Variants in PTPRJ observed in about 807,000 individuals in gnomAD.
The protein encoded by PTPRJ is receptor-type tyrosine-protein phosphatase eta.
A neutral mutation model predicts 141.3 loss-of-function variants in PTPRJ; 129 were observed. That is an observed-to-expected ratio of 0.91 (90% CI 0.79 to 1.06). The LOEUF (loss-of-function observed/expected upper bound fraction) is 1.06. Among genes scored for constraint, PTPRJ ranks in the 50% least tolerant of loss-of-function variants. PTPRJ has a pLI of 0.00. For synonymous variants in PTPRJ, 610 were observed against 640.5 expected (o/e 0.95, Z 0.72); for missense variants, 1,601 against 1,679.7 (o/e 0.95, Z 0.82).
intron 1 of PTPRJ, among the ~76,000 whole-genome samples, chr11:48,109,025 C>A (rs926175703): frequency 6.6e-6 from 1 of 151,946 alleles, no homozygotes; most frequent in African/African-American, 2.4e-5. Context: ...CATGGCTGCT[C>A]GGAGAAGGAC....
At chr11:48,026,957 C>G (rs1019356165) in intron 1 of PTPRJ, among the ~76,000 whole-genome samples, 4 of 149,958 alleles carry the variant, frequency 2.7e-5, no homozygotes, top group African/African-American at 9.8e-5. Context: ...AAATAAGGCT[C>G]CATGACAATG....
intron 1 of PTPRJ, among the ~76,000 whole-genome samples, chr11:48,029,539 A>G (rs1341142591): frequency 6.6e-6 from 1 of 152,250 alleles, no homozygotes; most frequent in Non-Finnish European, 1.5e-5. Context: ...ACAGGACAGT[A>G]ATAAAACTTA....
chr11:48,070,803 A>T (rs1196235986), intron 1 of PTPRJ, among the ~76,000 whole-genome samples: 1 of 152,206 alleles, frequency 6.6e-6, no homozygotes, highest in Admixed American at 6.5e-5. Context: ...TCTGTGTGGA[A>T]AATTTCTTAA....
intron 1 of PTPRJ, among the ~76,000 whole-genome samples, chr11:48,067,823 A>G (rs1855124892): frequency 6.6e-6 from 1 of 152,228 alleles, no homozygotes; most frequent in Admixed American, 6.5e-5. Context: ...AAGCTATGAT[A>G]GGGTGGAAAT....
intron 24 of PTPRJ, 138 bp from the exon 25 acceptor site, chr11:48,167,066 G>A: frequency 1.4e-6 from 1 of 714,320 alleles, no homozygotes; most frequent in Non-Finnish European, 2.4e-6. Context: ...CTTGAAACAT[G>A]TTCGCTTGAA....
intron 1 of PTPRJ, among the ~76,000 whole-genome samples, chr11:48,092,539 C>T (rs2134300912): frequency 6.6e-6 from 1 of 151,918 alleles, no homozygotes; most frequent in South Asian, 2.1e-4. Context: ...AAGATATTCT[C>T]TTGCTTCAGC....
At chr11:48,110,428 A>G (rs1351474833) in intron 2 of PTPRJ, among the ~76,000 whole-genome samples, 1 of 151,978 alleles carries the variant, frequency 6.6e-6, no homozygotes, top group African/African-American at 2.4e-5. Flanking sequence ...TGAACTCCTG[A>G]CCTCAGGTGA....
At chr11:48,074,757 C>T (rs1321064033) in intron 1 of PTPRJ, among the ~76,000 whole-genome samples, 3 of 152,044 alleles carry the variant, frequency 2.0e-5, no homozygotes, top group African/African-American at 7.2e-5. Flanking sequence ...TCATGTTGAA[C>T]GTTGTCTAAA....
intron 3 of PTPRJ, among the ~76,000 whole-genome samples, chr11:48,117,652 A>G (rs1856604616): frequency 6.6e-6 from 1 of 151,692 alleles, no homozygotes; most frequent in South Asian, 2.1e-4. Flanking sequence ...TAAATAACCT[A>G]ATGTAGCACG....
chr11:48,127,505 A>G (rs1342909149), intron 6 of PTPRJ, among the ~76,000 whole-genome samples: 2 of 152,184 alleles, frequency 1.3e-5, no homozygotes, highest in African/African-American at 2.4e-5. Context: ...CATAGAGTCC[A>G]AGTCATCATT....
At position 48,136,233 on chromosome 11, in the gene PTPRJ, A is replaced by G; in HGVS notation, c.1810A>G (p.Ile604Val). 1.2e-6 allele frequency: 2 copies of G among 1,614,158 alleles called. No homozygotes were observed. The highest frequency in any genetic ancestry group is 1.6e-4 in the Middle Eastern group (1 of 6,062). The change falls in exon 9 of 25, where the codon ATC becomes GTC. Residue 604 changes from isoleucine (I) to valine (V), a missense_variant. Physicochemically the swap from Ile to Val is conservative, Grantham distance 29 (BLOSUM62 3). Coordinates refer to ENST00000418331, the MANE Select transcript of PTPRJ (RefSeq NM_002843.4). ...CCTGATTCCGGGCACCTTATATAAC[A>G]TCACCATCTCTCCAGAAGTGGACCA... ...QGLIPGTLYN[I>V]TISPEVDHVW...
chr11:48,115,393 G>T (rs2134331173), intron 3 of PTPRJ, among the ~76,000 whole-genome samples: 1 of 152,204 alleles, frequency 6.6e-6, no homozygotes, highest in African/African-American at 2.4e-5. Flanking sequence ...AGAGTGGGAT[G>T]ATATATTCAC....
In PTPRJ at chr11:48,167,357, G is replaced by T; in HGVS notation, c.4009G>T (p.Ala1337Ser). 4 of 1,613,854 alleles carry T rather than the reference G, an allele frequency of 2.5e-6. No individual in the cohort carries two copies. Among genetic ancestry groups the T allele is most frequent in the Non-Finnish European group, 3.4e-6 (4 of 1,179,884 alleles). Residue 1337 changes from alanine (A) to serine (S), a missense_variant, in exon 25 of 25, where the codon GCC (alanine) becomes TCC (serine). By Grantham distance (99) the Ala-to-Ser change is moderately conservative (BLOSUM62 1). Coordinates refer to ENST00000418331, the MANE Select transcript of PTPRJ (RefSeq NM_002843.4). Reference protein sequence around the residue: ...TTFGKTNGYIA With the variant: ...TTFGKTNGYIS ...ATTTGGAAAGACCAATGGTTACATC[G>T]CCTAATTCCAAAGGAATAACCTTTC... is the stretch of plus-strand genomic sequence containing the variant.
chr11:48,130,135 C>T (rs761392917), intron 7 of PTPRJ, among the ~76,000 whole-genome samples: 9 of 150,584 alleles, frequency 6.0e-5, no homozygotes, highest in African/African-American at 2.2e-4. Flanking sequence ...GTAATGCATT[C>T]GAGATAAAGC....
intron 1 of PTPRJ, among the ~76,000 whole-genome samples, chr11:47,998,360 T>C (rs1854397953): frequency 6.6e-6 from 1 of 152,224 alleles, no homozygotes; most frequent in Non-Finnish European, 1.5e-5. Context: ...TTTAAGGTGA[T>C]ACATATCCCA....
chr11:48,117,745 T>C (rs2134334602), intron 3 of PTPRJ, among the ~76,000 whole-genome samples: 1 of 151,770 alleles, frequency 6.6e-6, no homozygotes, highest in South Asian at 2.1e-4. Flanking sequence ...CTGAAATAAA[T>C]GAAATAGGCA....
chr11:48,087,872 A>G (rs1730505746), intron 1 of PTPRJ, among the ~76,000 whole-genome samples: 1 of 152,184 alleles, frequency 6.6e-6, no homozygotes, highest in South Asian at 2.1e-4. Context: ...ACCTGTTAAT[A>G]AATAGATCCT....
Position 48,125,006 on chromosome 11 carries a change from A to G in PTPRJ, c.913A>G (p.Thr305Ala). ...AGAGAGAAGCCGGGCAGGGAGCCCC[A>G]CCGCCCCTGTGCATGATGAGTCCCT... is the stretch of plus-strand genomic sequence containing the variant. ...NTERSRAGSP[T>A]APVHDESLVG... is the part of the protein sequence containing the mutation. Residue 305 changes from threonine to alanine, a missense_variant, in exon 6 of 25, where the codon ACC becomes GCC. By Grantham distance (58) the Thr-to-Ala change is moderately conservative. Transcript: ENST00000418331. 1 of 1,613,946 alleles carries G rather than the reference A, an allele frequency of 6.2e-7. No homozygotes were observed. The highest frequency in any genetic ancestry group is 8.5e-7 in the Non-Finnish European group (1 of 1,179,982).
chr11:48,124,945 T>C (rs374457026), intron 5 of PTPRJ, 23 bp from the exon 6 acceptor site: 60 of 1,610,258 alleles, frequency 3.7e-5, no homozygotes, highest in Non-Finnish European at 4.9e-5. Context: ...TTGATGTCTT[T>C]TTGTCTCCTG....
Sources: allele counts gnomAD v4.1 joint callset (sites outside exome capture counted in the v4.1 genomes callset), GRCh38; gene constraint gnomAD v4.1.1; transcripts MANE v1.5; gene names NCBI Gene and HGNC (gene_info 2026-07-23, HGNC 2026-07-21).